GRIA1: variants seen among roughly 807,000 people sequenced by gnomAD.
GRIA1 encodes glutamate ionotropic receptor AMPA type subunit 1.
GRIA1 carries 31 observed loss-of-function variants against 99.2 expected under a neutral mutation model. The observed-to-expected ratio is 0.31, with a 90% CI of 0.23 to 0.42. The LOEUF is 0.42. Ranked by LOEUF, GRIA1 falls within the 10% of genes least tolerant of loss-of-function variation. The pLI is 1.00. For synonymous variants in GRIA1, 438 were observed against 432.4 expected (o/e 1.01, Z -0.16); for missense variants, 782 against 1,157.5 (o/e 0.68, Z 4.71).
chr5:153,688,619 T>G (rs2149499781), intron 8 of GRIA1, among the ~76,000 whole-genome samples: 1 of 152,334 alleles, frequency 6.6e-6, no homozygotes, highest in Admixed American at 6.5e-5. Context: ...GGTGGCTTGT[T>G]TATTTCTTTC....
intron 12 of GRIA1, among the ~76,000 whole-genome samples, chr5:153,769,605 T>A (rs1048635973): frequency 1.3e-5 from 2 of 151,996 alleles, no homozygotes; most frequent in Non-Finnish European, 2.9e-5. Context: ...TGGTCCCAAG[T>A]TATCAGCTTT....
chr5:153,490,596 G>A, upstream of GRIA1: 1 of 479,326 alleles, frequency 2.1e-6, no homozygotes, highest in South Asian at 2.2e-5. Flanking sequence ...GAGGCAGGCT[G>A]CGAGGGGAGA....
chr5:153,571,121 G>C (rs1762077813), intron 2 of GRIA1, among the ~76,000 whole-genome samples: 1 of 152,142 alleles, frequency 6.6e-6, no homozygotes. Context: ...GCACAATGGA[G>C]GATGTTCATC....
At chr5:153,696,590 A>G (rs534882241) in intron 8 of GRIA1, among the ~76,000 whole-genome samples, 1 of 152,384 alleles carries the variant, frequency 6.6e-6, no homozygotes, top group Non-Finnish European at 1.5e-5. Context: ...ACTATTTCCA[A>G]CTGAAGGAAC....
chr5:153,576,221 T>C (rs1440408159), intron 2 of GRIA1, among the ~76,000 whole-genome samples: 1 of 152,134 alleles, frequency 6.6e-6, no homozygotes, highest in Non-Finnish European at 1.5e-5. Context: ...TAGAATTAAG[T>C]ATGAATTTCT....
intron 15 of GRIA1, among the ~76,000 whole-genome samples, chr5:153,805,717 A>G (rs1766380341): frequency 6.6e-6 from 1 of 152,214 alleles, no homozygotes; most frequent in Non-Finnish European, 1.5e-5. Flanking sequence ...AAGTCACACT[A>G]TTTAGATTAA....
intron 13 of GRIA1, among the ~76,000 whole-genome samples, chr5:153,782,475 T>C (rs894647164): frequency 2.6e-5 from 4 of 152,238 alleles, no homozygotes; most frequent in African/African-American, 9.6e-5. Context: ...TATTCTCATT[T>C]TTCAAAAGAA....
chr5:153,635,459 C>T (rs1753281104), intron 2 of GRIA1, among the ~76,000 whole-genome samples: 1 of 152,174 alleles, frequency 6.6e-6, no homozygotes. Flanking sequence ...TGCTAGTTCC[C>T]AAAGGCTGCA....
chr5:153,795,700 AGCAGGGCCTTGATGTCCAAGAGTCCAG>A (rs1765601134), intron 14 of GRIA1: 1 of 615,130 alleles, frequency 1.6e-6, no homozygotes, highest in Non-Finnish European at 2.9e-6. Flanking sequence ...GCTGGGCCCC[AGCAGGGCCTTGATGTCCAAGAGTCCAG>A]GCAGGGTTAA....
intron 11 of GRIA1, among the ~76,000 whole-genome samples, chr5:153,726,745 T>C (rs866713026): frequency 5.3e-5 from 8 of 152,112 alleles, no homozygotes; most frequent in Middle Eastern, 3.2e-3. Flanking sequence ...TGGCAATAAT[T>C]AATAGCTTAC....
chr5:153,531,634 C>G (rs896344270), intron 2 of GRIA1, among the ~76,000 whole-genome samples: 1 of 152,122 alleles, frequency 6.6e-6, no homozygotes. Context: ...GTACTAAGCT[C>G]CCTGTTACTA....
intron 2 of GRIA1, among the ~76,000 whole-genome samples, chr5:153,517,398 G>C (rs1756729008): frequency 6.6e-6 from 1 of 152,110 alleles, no homozygotes; most frequent in Admixed American, 6.5e-5. Context: ...GAGCTTCCAG[G>C]GGTAGTAACC....
chr5:153,731,776 T>G (rs2149559597), intron 11 of GRIA1, among the ~76,000 whole-genome samples: 1 of 152,306 alleles, frequency 6.6e-6, no homozygotes, highest in East Asian at 1.9e-4. Flanking sequence ...ATATCTATTA[T>G]ATGAGCAAAT....
intron 2 of GRIA1, among the ~76,000 whole-genome samples, chr5:153,506,777 A>C (rs1369384783): frequency 1.3e-5 from 2 of 152,144 alleles, no homozygotes; most frequent in African/African-American, 4.8e-5. Context: ...AAATTATTTA[A>C]CTTACACTGC....
At chr5:153,659,121 CAT>C (rs1755176061) in intron 5 of GRIA1, among the ~76,000 whole-genome samples, 1 of 152,164 alleles carries the variant, frequency 6.6e-6, no homozygotes, top group Non-Finnish European at 1.5e-5. Context: ...TCTACCTACT[CAT>C]AGTGTCACTG....
intron 8 of GRIA1, among the ~76,000 whole-genome samples, chr5:153,688,339 A>T (rs1423656935): frequency 4.6e-5 from 7 of 152,166 alleles, no homozygotes; most frequent in Non-Finnish European, 1.0e-4. Context: ...GGGCTCAAAA[A>T]CCCTTGAGAA....
chr5:153,563,154 G>A (rs1761293766), intron 2 of GRIA1, among the ~76,000 whole-genome samples: 1 of 149,086 alleles, frequency 6.7e-6, no homozygotes, highest in Non-Finnish European at 1.5e-5. Context: ...CCAGATTGGC[G>A]ACAGAGCGAG....
At chr5:153,749,458 C>T (rs1762370091) in intron 11 of GRIA1, among the ~76,000 whole-genome samples, 1 of 152,122 alleles carries the variant, frequency 6.6e-6, no homozygotes, top group Non-Finnish European at 1.5e-5. Flanking sequence ...TGATGAGGGC[C>T]TCAGGCTGCT....
chr5:153,620,299 C>A (rs1219474074), intron 2 of GRIA1, among the ~76,000 whole-genome samples: 1 of 146,866 alleles, frequency 6.8e-6, no homozygotes, highest in African/African-American at 2.5e-5. Context: ...TTTTTTTTTT[C>A]CTATTTTTGC....
Sources: allele counts gnomAD v4.1 joint callset (sites outside exome capture counted in the v4.1 genomes callset), GRCh38; gene constraint gnomAD v4.1.1; transcripts MANE v1.5; gene names NCBI Gene and HGNC (gene_info 2026-07-23, HGNC 2026-07-21).